Variants in E2F6 observed in about 807,000 individuals in gnomAD.
E2F6 encodes E2F transcription factor 6, also known as transcription factor E2F6.
In E2F6, 19 loss-of-function variants were observed where a neutral mutation model predicts 31.5. That is an observed-to-expected ratio of 0.60 (90% CI 0.42 to 0.89). The LOEUF is 0.89. E2F6 is among the 40% of genes least tolerant of loss of function. The probability of loss-of-function intolerance (pLI) is 0.00; values close to 1 mark genes in which losing one functional copy is unlikely to be tolerated. For missense variants in E2F6, 269 were observed against 341.6 expected (o/e 0.79, Z 1.67); for synonymous variants, 121 against 127.7 (o/e 0.95, Z 0.36).
In E2F6 at chr2:11,453,896, C is replaced by T. The variant is rs574824540; in HGVS notation, c.164-98G>A. ...TTCCTCTTGATCAGATAGCAGACAT[C>T]TACAGAAATGCCTACACATTGACCA... On this transcript the variant is annotated intron_variant, in intron 2 of 6. Transcript: ENST00000381525. 418 of 1,033,216 alleles carry T rather than the reference C, an allele frequency of 4.0e-4. 2 individuals are homozygous for T. The highest frequency in any genetic ancestry group is 5.6e-4 in the Non-Finnish European group (394 of 706,370). 64.0% of individuals were successfully genotyped at this position (1,033,216 alleles called of 1,614,324 possible). A position where few individuals can be genotyped will look rare whatever the true frequency, so the allele number is the denominator to read the frequency against.
At chr2:11,462,580 G>A (rs1324058306) in intron 1 of E2F6, among the ~76,000 whole-genome samples, 1 of 152,076 alleles carries the variant, frequency 6.6e-6, no homozygotes, top group Non-Finnish European at 1.5e-5. Flanking sequence ...CAGCATACTG[G>A]AAGCACTACT....
intron 2 of E2F6, among the ~76,000 whole-genome samples, chr2:11,454,748 G>C (rs1477689287): frequency 6.6e-6 from 1 of 151,368 alleles, no homozygotes; most frequent in African/African-American, 2.4e-5. Context: ...CTACTATAAT[G>C]ACTGGGGTTT....
At chr2:11,460,841 A>G (rs1444001202) in intron 1 of E2F6, among the ~76,000 whole-genome samples, 1 of 152,160 alleles carries the variant, frequency 6.6e-6, no homozygotes, top group Non-Finnish European at 1.5e-5. Flanking sequence ...AGAAAAGGTA[A>G]TGTTTGGTGC....
At chr2:11,456,538 C>G (rs906352676) in intron 2 of E2F6, among the ~76,000 whole-genome samples, 1 of 152,188 alleles carries the variant, frequency 6.6e-6, no homozygotes, top group African/African-American at 2.4e-5. Context: ...TAATCCATAC[C>G]TATATTTTGA....
intron 2 of E2F6, among the ~76,000 whole-genome samples, chr2:11,456,407 G>T (rs1671407519): frequency 6.6e-6 from 1 of 152,156 alleles, no homozygotes; most frequent in Non-Finnish European, 1.5e-5. Flanking sequence ...CCCTGAACGA[G>T]AAGAAGCAAT....
rs760605766 is a variant in E2F6, at chr2:11,446,433, G to A, written c.*44C>T. The A allele has an allele frequency of 1.4e-6, 2 of 1,425,518 alleles. No individual in the cohort carries two copies. Among genetic ancestry groups the A allele is most frequent in the Non-Finnish European group, 2.0e-6 (2 of 1,011,262 alleles). 88.3% of individuals were successfully genotyped at this position (1,425,518 alleles called of 1,614,324 possible). A position where few individuals can be genotyped will look rare whatever the true frequency, so the allele number is the denominator to read the frequency against. ...AATTTGATGCGTAATTCTCCACGAA[G>A]ATATTCCCAAAAAACTCAGTGATAC... On this transcript the variant is annotated 3_prime_UTR_variant, in exon 7 of 7. Coordinates refer to ENST00000381525, the MANE Select transcript of E2F6 (RefSeq NM_198256.4).
intron 4 of E2F6, among the ~76,000 whole-genome samples, chr2:11,450,629 A>G (rs902781036): frequency 5.9e-5 from 9 of 152,230 alleles, no homozygotes; most frequent in African/African-American, 2.2e-4. Flanking sequence ...ACTATCATGT[A>G]TGATGTTACT....
intron 4 of E2F6, among the ~76,000 whole-genome samples, chr2:11,450,737 C>T (rs1671009504): frequency 6.6e-6 from 1 of 152,042 alleles, no homozygotes; most frequent in Non-Finnish European, 1.5e-5. Flanking sequence ...TACTGGATTT[C>T]TCTAGCATTT....
At chr2:11,452,739 T>G (rs1671150615) in intron 3 of E2F6, among the ~76,000 whole-genome samples, 1 of 152,238 alleles carries the variant, frequency 6.6e-6, no homozygotes, top group Non-Finnish European at 1.5e-5. Flanking sequence ...GTCCTTGCCT[T>G]TATCTTTTAC....
chr2:11,461,687 CATG>C (rs1466087011), intron 1 of E2F6, among the ~76,000 whole-genome samples: 1 of 152,222 alleles, frequency 6.6e-6, no homozygotes, highest in Non-Finnish European at 1.5e-5. Flanking sequence ...TGGCCAGTTA[CATG>C]ATGAAGGCTT....
At position 11,445,204 on chromosome 2, in the gene E2F6, A is replaced by T. The variant is rs1215051837; in HGVS notation, c.*1273T>A. 1.3e-5 allele frequency: 2 copies of T among 152,224 alleles called. No individual in the cohort carries two copies. The highest frequency in any genetic ancestry group is 1.9e-4 in the East Asian group (1 of 5,194). 9.4% of individuals were successfully genotyped at this position (152,224 alleles called of 1,614,324 possible). A position where few individuals can be genotyped will look rare whatever the true frequency, so the allele number is the denominator to read the frequency against. The stretch of plus-strand genomic sequence containing the variant: ...TTGAAGTCGCTTCAAATATTTCTTT[A>T]AAAGCAATATTCAAACGATACAGGA... On this transcript the variant is annotated 3_prime_UTR_variant, in exon 7 of 7. Coordinates refer to ENST00000381525, the MANE Select transcript of E2F6 (RefSeq NM_198256.4).
intron 1 of E2F6, among the ~76,000 whole-genome samples, chr2:11,461,061 T>A (rs147530489): frequency 4.1e-4 from 62 of 152,188 alleles, no homozygotes; most frequent in African/African-American, 1.5e-3. Flanking sequence ...CTGATGAGAA[T>A]CAGCACTGTC....
At chr2:11,448,122 T>C (rs533390061) in intron 5 of E2F6, among the ~76,000 whole-genome samples, 1 of 152,242 alleles carries the variant, frequency 6.6e-6, no homozygotes, top group East Asian at 1.9e-4. Context: ...TCCAGACCAA[T>C]GAACAGGTCT....
In E2F6 at chr2:11,445,799, T is replaced by C. The variant is rs1659289214; in HGVS notation, c.*678A>G. The C allele has an allele frequency of 6.6e-6, 1 of 151,610 alleles. No homozygotes were observed. The allele number at this position is 151,610 out of a possible 1,614,324, so 9.4% of individuals were successfully genotyped here. A position where few individuals can be genotyped will look rare whatever the true frequency, so the allele number is the denominator to read the frequency against. The stretch of plus-strand genomic sequence containing the variant: ...CACTGAAAACCATATTAAAATACTT[T>C]AATTAAATCCACAAACATAAATGTG... On this transcript the variant is annotated 3_prime_UTR_variant, in exon 7 of 7. Transcript: ENST00000381525.
chr2:11,449,914 G>GCA, intron 5 of E2F6, 98 bp downstream of exon 5: 1 of 877,660 alleles, frequency 1.1e-6, no homozygotes, highest in Non-Finnish European at 1.8e-6. Context: ...CAGTGCACGT[G>GCA]CACACAACGG....
chr2:11,462,122 T>C (rs1671819287), intron 1 of E2F6, among the ~76,000 whole-genome samples: 1 of 152,190 alleles, frequency 6.6e-6, no homozygotes, highest in Admixed American at 6.5e-5. Flanking sequence ...TCATCTTTAA[T>C]ATTCTGTTTC....
intron 2 of E2F6, among the ~76,000 whole-genome samples, chr2:11,454,178 A>G (rs1157031148): frequency 6.6e-6 from 1 of 152,198 alleles, no homozygotes; most frequent in Non-Finnish European, 1.5e-5. Context: ...TTTGGTCTTC[A>G]AGTTAAGGAA....
intron 4 of E2F6, 143 bp from the exon 5 acceptor site, chr2:11,450,269 A>C (rs1168801665): frequency 5.8e-6 from 2 of 346,158 alleles, no homozygotes. Context: ...GAAAGCAGTA[A>C]AAAAAAAAAA....
chr2:11,447,589 C>T (rs1389046492), intron 6 of E2F6, 38 bp downstream of exon 6: 4 of 1,600,100 alleles, frequency 2.5e-6, no homozygotes, highest in African/African-American at 1.3e-5. Context: ...ATTATGCATG[C>T]TTAATTAAAA....
Sources: allele counts gnomAD v4.1 joint callset (sites outside exome capture counted in the v4.1 genomes callset), GRCh38; gene constraint gnomAD v4.1.1; transcripts MANE v1.5; gene names NCBI Gene and HGNC (gene_info 2026-07-23, HGNC 2026-07-21).